Variants in GAS2 observed in about 807,000 individuals in gnomAD.
GAS2 encodes the protein growth arrest-specific protein 2.
In GAS2, 20 loss-of-function variants were observed where a neutral mutation model predicts 37.5. That is an observed-to-expected ratio of 0.53 (90% confidence interval 0.37 to 0.77). GAS2 has a LOEUF of 0.77. GAS2 is among the 30% of genes least tolerant of loss of function. The pLI, the probability that GAS2 is intolerant of heterozygous loss-of-function variation, is 0.00. For synonymous variants in GAS2, 144 were observed against 132.2 expected (o/e 1.09, Z -0.61); for missense variants, 336 against 373.4 (o/e 0.90, Z 0.82).
At chr11:22,751,745 GA>G (rs943118532) in intron 6 of GAS2, among the ~76,000 whole-genome samples, 4 of 151,862 alleles carry the variant, frequency 2.6e-5, no homozygotes, top group South Asian at 2.1e-4. Flanking sequence ...GAGATGGGGA[GA>G]AAAAGAAGAG....
chr11:22,789,303 T>TATATATATATATATATATATATATAC (rs1350750428), intron 7 of GAS2, among the ~76,000 whole-genome samples: 2 of 111,122 alleles, frequency 1.8e-5, no homozygotes, highest in African/African-American at 7.5e-5. Context: ...TATATATATA[T>TATATATATATATATATATATATATAC]ACACACACAC....
intron 1 of GAS2, among the ~76,000 whole-genome samples, chr11:22,646,574 G>A (rs1848697236): frequency 6.6e-6 from 1 of 152,154 alleles, no homozygotes; most frequent in Non-Finnish European, 1.5e-5. Flanking sequence ...AAGGACTTCT[G>A]ACAGCATTAA....
intron 7 of GAS2, among the ~76,000 whole-genome samples, chr11:22,789,441 T>A (rs1404368185): frequency 2.0e-5 from 2 of 101,542 alleles, no homozygotes; most frequent in South Asian, 3.1e-4. Context: ...TATATATATA[T>A]ATATATATAT....
At chr11:22,710,419 G>A (rs1374472089) in intron 3 of GAS2, among the ~76,000 whole-genome samples, 1 of 151,874 alleles carries the variant, frequency 6.6e-6, no homozygotes, top group Non-Finnish European at 1.5e-5. Flanking sequence ...AAATTATGAT[G>A]TCATGGAACA....
At chr11:22,633,502 T>A (rs58306125) in intron 1 of GAS2, among the ~76,000 whole-genome samples, 1,617 of 152,292 alleles carry the variant, frequency 0.011, 32 homozygotes, top group African/African-American at 0.036. Flanking sequence ...TTAATTAATT[T>A]ATTTATTTTC....
chr11:22,769,569 C>A (rs1461696103), intron 7 of GAS2, among the ~76,000 whole-genome samples: 5 of 152,118 alleles, frequency 3.3e-5, no homozygotes, highest in Non-Finnish European at 7.3e-5. Flanking sequence ...GAGAAAGTAG[C>A]CTTAAATAAA....
intron 4 of GAS2, among the ~76,000 whole-genome samples, chr11:22,735,937 C>T (rs148538508): frequency 1.2e-4 from 18 of 151,276 alleles, no homozygotes; most frequent in Non-Finnish European, 1.8e-4. Flanking sequence ...TCCTCCTCTC[C>T]TCAGTTTTTA....
intron 3 of GAS2, among the ~76,000 whole-genome samples, chr11:22,713,316 A>G (rs1233735163): frequency 6.6e-6 from 1 of 151,734 alleles, no homozygotes; most frequent in African/African-American, 2.4e-5. Flanking sequence ...ACAAATAAAA[A>G]TAATTTAAAA....
intron 2 of GAS2, among the ~76,000 whole-genome samples, chr11:22,682,364 A>G (rs1365301128): frequency 6.6e-6 from 1 of 152,100 alleles, no homozygotes; most frequent in Non-Finnish European, 1.5e-5. Context: ...TAAAATTATG[A>G]ATGGAATCTT....
intron 1 of GAS2, among the ~76,000 whole-genome samples, chr11:22,632,128 C>T (rs546162149): frequency 4.8e-4 from 73 of 152,024 alleles, no homozygotes; most frequent in African/African-American, 1.8e-3. Context: ...TCTTCGTAGT[C>T]TTGAAGGATA....
intron 7 of GAS2, among the ~76,000 whole-genome samples, chr11:22,783,887 T>C (rs1250887284): frequency 2.0e-5 from 3 of 152,156 alleles, no homozygotes; most frequent in Non-Finnish European, 2.9e-5. Flanking sequence ...CCAAGCAGCG[T>C]TTATTGAATT....
chr11:22,718,248 G>A (rs1363871146), intron 3 of GAS2, among the ~76,000 whole-genome samples: 1 of 151,874 alleles, frequency 6.6e-6, no homozygotes, highest in Non-Finnish European at 1.5e-5. Context: ...AGTAGATAAA[G>A]AAAATGTGTC....
chr11:22,668,583 T>C lies in GAS2; in HGVS notation c.-21+1684T>C, dbSNP rs188660558. Among the ~76,000 whole-genome samples the C allele has an allele frequency of 1.2e-4, 19 of 152,322 alleles. No homozygotes were observed. The East Asian group carries it at 3.5e-3, about 28-fold the overall frequency. On this transcript the variant is annotated intron_variant, in intron 1 of 7. Coordinates refer to ENST00000454584, the MANE Select transcript of GAS2 (RefSeq NM_001143830.3). ...ATATTTCACCAGGTGCAAAAGGTCATGTGATTGCCCTGGAATTTTTTAGCA... is the reference window on the plus strand; with the variant it reads ...ATATTTCACCAGGTGCAAAAGGTCACGTGATTGCCCTGGAATTTTTTAGCA...
At chr11:22,785,696 C>T (rs977643786) in intron 7 of GAS2, among the ~76,000 whole-genome samples, 1 of 152,024 alleles carries the variant, frequency 6.6e-6, no homozygotes, top group African/African-American at 2.4e-5. Context: ...CTCTAAGCTG[C>T]TTGCCATTCA....
chr11:22,755,882 C>G lies in GAS2; in HGVS notation c.652C>G (p.Pro218Ala), dbSNP rs1590093891. ...TTCTGAAGATCCTCCTTGCAAATGC[C>G]CAAACAAGTTCTGTGTGGAGCGGCT... is the stretch of plus-strand genomic sequence containing the variant. ...RISEDPPCKCPNKFCVERLSQ... is the reference protein window; with the variant it reads ...RISEDPPCKCANKFCVERLSQ... The change falls in exon 7 of 8, where the codon CCA (proline) becomes GCA (alanine). Residue 218 changes from proline (P) to alanine (A), a missense_variant. By Grantham distance (27) the Pro-to-Ala change is conservative (BLOSUM62 -1). Transcript: ENST00000454584. The G allele has an allele frequency of 1.2e-6, 2 of 1,612,856 alleles. No homozygotes were observed. The highest frequency in any genetic ancestry group is 2.7e-5 in the African/African-American group (2 of 74,822).
intron 5 of GAS2, among the ~76,000 whole-genome samples, chr11:22,747,728 T>C (rs1238245417): frequency 6.6e-6 from 1 of 152,144 alleles, no homozygotes; most frequent in East Asian, 1.9e-4. Context: ...GGGCTCCCGG[T>C]GGACAGCTTC....
intron 7 of GAS2, among the ~76,000 whole-genome samples, chr11:22,757,822 A>G (rs1017356766): frequency 1.3e-5 from 2 of 152,174 alleles, no homozygotes; most frequent in African/African-American, 4.8e-5. Flanking sequence ...TGAAATACCT[A>G]TCCTTTGGCT....
chr11:22,752,509 G>T (rs2134310313), intron 6 of GAS2, among the ~76,000 whole-genome samples: 1 of 152,020 alleles, frequency 6.6e-6, no homozygotes, highest in East Asian at 1.9e-4. Context: ...TAGCAGTTCG[G>T]GGTTGAAAAT....
intron 1 of GAS2, among the ~76,000 whole-genome samples, chr11:22,639,616 G>A (rs1301605667): frequency 2.0e-5 from 3 of 152,104 alleles, no homozygotes. Flanking sequence ...TGTAAAATCT[G>A]ATGATTAGGT....
Sources: gnomAD v4.1 joint callset for allele counts (sites outside exome capture counted in the v4.1 genomes callset) on GRCh38, gnomAD v4.1.1 for gene constraint, MANE v1.5 for transcripts, NCBI Gene and HGNC (gene_info 2026-07-23, HGNC 2026-07-21) for gene names.